The following IL20RA variants were observed in gnomAD, a reference collection of about 807,000 sequenced individuals.
IL20RA encodes the protein interleukin 20 receptor subunit alpha, also known as interleukin-20 receptor subunit alpha.
In IL20RA, 29 loss-of-function variants were observed where a neutral mutation model predicts 36.5. The ratio of observed to expected loss-of-function variants is 0.79; its 90% CI spans 0.59 to 1.08. The LOEUF (loss-of-function observed/expected upper bound fraction) is 1.08, where lower values mean the gene tolerates loss of function less well. IL20RA is among the 50% of genes least tolerant of loss of function. The pLI is 0.00. For synonymous variants in IL20RA, 279 were observed against 267.1 expected, an observed-to-expected ratio of 1.04 and a Z score of -0.43; for missense variants, 652 against 668.4, an observed-to-expected ratio of 0.98 and a Z score of 0.27.
chr6:137,005,353 C>T (rs1019192574), intron 5 of IL20RA, among the ~76,000 whole-genome samples: 2 of 152,016 alleles, frequency 1.3e-5, no homozygotes, highest in Non-Finnish European at 2.9e-5. Flanking sequence ...GGGTGCAGTG[C>T]GAATGGCAGT....
intron 1 of IL20RA, chr6:137,044,165 C>T (rs981201497): frequency 1.0e-5 from 10 of 985,990 alleles, no homozygotes; most frequent in Non-Finnish European, 1.2e-5. Flanking sequence ...TTTTAAAGCG[C>T]GGATCTCGCG....
At chr6:137,037,176 G>C (rs1397833531) in intron 1 of IL20RA, among the ~76,000 whole-genome samples, 1 of 152,178 alleles carries the variant, frequency 6.6e-6, no homozygotes, top group East Asian at 1.9e-4. Context: ...CCACAAGTCT[G>C]TACAGGACTA....
intron 4 of IL20RA, 131 bp from the exon 5 acceptor site, chr6:137,008,874 T>C (rs890834128): frequency 4.5e-5 from 27 of 601,316 alleles, no homozygotes; most frequent in Admixed American, 1.2e-4. Flanking sequence ...GCTTTTTTTT[T>C]TTTTTTTTTT....
intron 1 of IL20RA, chr6:137,042,944 G>A (rs1039575188): frequency 1.3e-5 from 2 of 152,188 alleles, no homozygotes; most frequent in African/African-American, 4.8e-5. Flanking sequence ...AGACCCAGGA[G>A]AGGACGGGAA....
At chr6:137,035,329 T>C (rs373294310) in intron 1 of IL20RA, among the ~76,000 whole-genome samples, 24 of 152,330 alleles carry the variant, frequency 1.6e-4, no homozygotes, top group East Asian at 7.7e-4. Flanking sequence ...TATGCATACA[T>C]GTATATTAAT....
intron 2 of IL20RA, among the ~76,000 whole-genome samples, chr6:137,016,243 A>G (rs1775679585): frequency 6.6e-6 from 1 of 152,214 alleles, no homozygotes. Context: ...TGTGGCACCC[A>G]GCTGGGGCTC....
chr6:137,030,941 A>G (rs1174122697), intron 1 of IL20RA, among the ~76,000 whole-genome samples: 1 of 152,072 alleles, frequency 6.6e-6, no homozygotes, highest in Non-Finnish European at 1.5e-5. Flanking sequence ...CACCTCCTCC[A>G]CTATTATGTA....
chr6:137,044,316 A>C, intron 1 of IL20RA: 2 of 1,029,236 alleles, frequency 1.9e-6, no homozygotes. Context: ...CCCGACCGCA[A>C]GTCATAGGCT....
rs746087823 is a variant in IL20RA at position 137,009,401 on chromosome 6, T to C, written c.495A>G (p.Pro165=). The C allele has an allele frequency of 7.4e-6, 12 of 1,611,996 alleles. No homozygotes were observed. The Middle Eastern group carries it at 8.3e-4, about 111-fold the overall frequency. The stretch of plus-strand genomic sequence containing the variant: ...GTTGCATGGAAACAGGAAGGTCTTC[T>C]GGATTTCTCTTCCACTTCTCTGGAG... ...LTAPEKWKRN[P]EDLPVSMQQI... is the part of the protein sequence containing the mutation. The change falls in exon 4 of 7, where the codon CCA becomes CCG. Residue 165 remains proline, a synonymous_variant. Transcript: ENST00000316649.
chr6:137,002,586 T>A (rs1037932153), intron 6 of IL20RA, among the ~76,000 whole-genome samples: 1 of 152,208 alleles, frequency 6.6e-6, no homozygotes, highest in Non-Finnish European at 1.5e-5. Context: ...GGGTGGGTAT[T>A]TCTCCAGTCC....
At chr6:137,039,096 C>A (rs940050366) in intron 1 of IL20RA, among the ~76,000 whole-genome samples, 1 of 152,152 alleles carries the variant, frequency 6.6e-6, no homozygotes, top group Non-Finnish European at 1.5e-5. Context: ...CAGAGCTAAA[C>A]GAAAAGGTAT....
At chr6:137,012,221 G>A (rs11963705) in intron 2 of IL20RA, among the ~76,000 whole-genome samples, 8,290 of 152,152 alleles carry the variant, frequency 0.054, 745 homozygotes, top group African/African-American at 0.19. Context: ...GTGGTCCAGG[G>A]GAAGATGTAG....
intron 1 of IL20RA, among the ~76,000 whole-genome samples, chr6:137,024,203 TA>T (rs905914648): frequency 6.6e-5 from 10 of 152,226 alleles, no homozygotes; most frequent in South Asian, 2.1e-4. Flanking sequence ...CTCTTTAGTT[TA>T]AAAAAAATTG....
At chr6:137,039,486 C>G (rs900912390) in intron 1 of IL20RA, among the ~76,000 whole-genome samples, 9 of 152,120 alleles carry the variant, frequency 5.9e-5, no homozygotes, top group Admixed American at 6.5e-5. Flanking sequence ...CTTGAGCGAG[C>G]AAATCCTCCA....
intron 1 of IL20RA, chr6:137,038,036 G>A (rs900416087): frequency 5.3e-5 from 8 of 152,146 alleles, no homozygotes; most frequent in Non-Finnish European, 8.8e-5. Context: ...GTCATTACTT[G>A]GAAGTGATGC....
rs1188809232 is a variant in IL20RA, at chr6:137,030,070, G to GTTTTTTTTTTTTTTTTT, written c.89-12984_89-12968dup. Among the ~76,000 whole-genome samples, 4 of 62,804 alleles carry GTTTTTTTTTTTTTTTTT rather than the reference G, an allele frequency of 6.4e-5. 1 individual carries two copies. Among genetic ancestry groups the GTTTTTTTTTTTTTTTTT allele is most frequent in the Non-Finnish European group, 1.1e-4 (4 of 37,204 alleles). 41.2% of individuals were successfully genotyped at this position (62,804 alleles called of 152,430 possible). A position where few individuals can be genotyped will look rare whatever the true frequency, so the allele number is the denominator to read the frequency against. ...GGTGGAAAATGTCAGCGGTTTGCGGGTTTTTTTTTTTTTTTTTTTTTTTTT... is the reference window on the plus strand; with the variant it reads ...GGTGGAAAATGTCAGCGGTTTGCGGGTTTTTTTTTTTTTTTTTTTTTTTTTTTTTTTTTTTTTTTTTT... On this transcript the variant is annotated intron_variant, in intron 1 of 6. Coordinates refer to ENST00000316649, the MANE Select transcript of IL20RA (RefSeq NM_014432.4).
At chr6:137,019,046 T>C (rs1026768724) in intron 1 of IL20RA, among the ~76,000 whole-genome samples, 1 of 152,208 alleles carries the variant, frequency 6.6e-6, no homozygotes, top group Non-Finnish European at 1.5e-5. Context: ...ACAGAAGTTA[T>C]CTTAGATAGT....
rs368485160 is a variant in IL20RA, at chr6:137,000,487, T to C, written c.*1071A>G. 2.6e-5 allele frequency: 4 copies of C among 152,206 alleles called. No individual in the cohort carries two copies. Among genetic ancestry groups the C allele is most frequent in the African/African-American group, 7.2e-5 (3 of 41,450 alleles). The allele number at this position is 152,206 out of a possible 1,614,324, so 9.4% of individuals were successfully genotyped here. On this transcript the variant is annotated 3_prime_UTR_variant, in exon 7 of 7. Coordinates refer to ENST00000316649, the MANE Select transcript of IL20RA (RefSeq NM_014432.4). ...TGGTAAAGGAGATGGGAACAGTTACTGGAAATGAACTAGAAAGCTATTGTT... is the reference window on the plus strand; with the variant it reads ...TGGTAAAGGAGATGGGAACAGTTACCGGAAATGAACTAGAAAGCTATTGTT...
At chr6:137,004,174 T>TTTTTTTTTTTGG (rs1775191275) in intron 6 of IL20RA, among the ~76,000 whole-genome samples, 1 of 124,450 alleles carries the variant, frequency 8.0e-6, no homozygotes, top group Non-Finnish European at 1.7e-5. Flanking sequence ...TTTTTTTTTT[T>TTTTTTTTTTTGG]TTTTTTTTTT....
Sources: gnomAD v4.1 joint callset for allele counts (sites outside exome capture counted in the v4.1 genomes callset) on GRCh38, gnomAD v4.1.1 for gene constraint, MANE v1.5 for transcripts, NCBI Gene and HGNC (gene_info 2026-07-23, HGNC 2026-07-21) for gene names.